TSPAN18: variants seen among roughly 807,000 people sequenced by gnomAD.
TSPAN18 encodes the protein tetraspanin 18.
Under a neutral mutation model 27.3 loss-of-function variants are expected in TSPAN18, and 14 were observed. The ratio of observed to expected loss-of-function variants is 0.51; its 90% CI spans 0.34 to 0.80. The LOEUF is 0.80. Among genes scored for constraint, TSPAN18 ranks in the 30% least tolerant of loss-of-function variants. The probability of loss-of-function intolerance (pLI) is 0.01; values close to 1 mark genes in which losing one functional copy is unlikely to be tolerated. For synonymous variants in TSPAN18, 143 were observed against 136.5 expected, an observed-to-expected ratio of 1.05 and a Z score of -0.33; for missense variants, 268 against 323.9, an observed-to-expected ratio of 0.83 and a Z score of 1.32.
chr11:44,843,058 C>T (rs571032027), intron 2 of TSPAN18, among the ~76,000 whole-genome samples: 157 of 152,268 alleles, frequency 1.0e-3, no homozygotes, highest in African/African-American at 3.6e-3. Context: ...TTCTTTAGCT[C>T]AACATGATTT....
At position 44,905,459 on chromosome 11, in the gene TSPAN18, C is replaced by T. The variant is rs115783921; in HGVS notation, c.-10-948C>T. Among the ~76,000 whole-genome samples, 776 of 152,324 alleles carry T rather than the reference C, an allele frequency of 5.1e-3. 5 individuals are homozygous for T. Among genetic ancestry groups the T allele is most frequent in the African/African-American group, 0.018 (745 of 41,560 alleles). ...GACATGTCGTTTTCATTCTGAGTCT[C>T]GGTTTCCCCACCTGTCTCATGGATC... On this transcript the variant is annotated intron_variant, in intron 3 of 9. Coordinates refer to ENST00000520358, the MANE Select transcript of TSPAN18 (RefSeq NM_130783.5).
chr11:44,921,091 C>T (rs573347075), intron 8 of TSPAN18, among the ~76,000 whole-genome samples: 2 of 152,308 alleles, frequency 1.3e-5, no homozygotes, highest in African/African-American at 4.8e-5. Context: ...CCTGGCACAT[C>T]CCCATGGATT....
intron 2 of TSPAN18, among the ~76,000 whole-genome samples, chr11:44,772,958 G>A (rs578037399): frequency 3.3e-5 from 5 of 152,102 alleles, no homozygotes; most frequent in East Asian, 1.9e-4. Flanking sequence ...CACTGAGCCC[G>A]ATTTTGAGTT....
At chr11:44,785,316 A>G (rs1179029368) in intron 2 of TSPAN18, among the ~76,000 whole-genome samples, 1 of 151,990 alleles carries the variant, frequency 6.6e-6, no homozygotes. Flanking sequence ...ATTTTTTTTA[A>G]TAGCTTTTTC....
intron 1 of TSPAN18, among the ~76,000 whole-genome samples, chr11:44,743,232 G>A (rs1854988416): frequency 6.6e-6 from 1 of 152,110 alleles, no homozygotes; most frequent in African/African-American, 2.4e-5. Context: ...ACTTGGTGAT[G>A]GCCTTAAGCC....
chr11:44,791,469 A>G (rs73450662), intron 2 of TSPAN18, among the ~76,000 whole-genome samples: 1,821 of 152,380 alleles, frequency 0.012, 38 homozygotes, highest in African/African-American at 0.042. Context: ...TGTGAAGGCT[A>G]GAAGCCTTGG....
intron 1 of TSPAN18, among the ~76,000 whole-genome samples, chr11:44,747,709 AG>A (rs772577062): frequency 2.0e-5 from 3 of 152,066 alleles, no homozygotes; most frequent in Admixed American, 1.3e-4. Flanking sequence ...TCTCTCTCTC[AG>A]CACTCAGATT....
intron 2 of TSPAN18, among the ~76,000 whole-genome samples, chr11:44,845,001 C>T (rs1450162513): frequency 1.3e-5 from 2 of 152,190 alleles, no homozygotes; most frequent in African/African-American, 4.8e-5. Context: ...GAATTATCCT[C>T]AATGCCAATA....
intron 2 of TSPAN18, among the ~76,000 whole-genome samples, chr11:44,801,180 T>C (rs1261600746): frequency 6.6e-6 from 1 of 152,198 alleles, no homozygotes; most frequent in African/African-American, 2.4e-5. Context: ...GCTGAGCAAT[T>C]GGTACATAGG....
At chr11:44,847,233 A>T (rs897532583) in intron 2 of TSPAN18, among the ~76,000 whole-genome samples, 1 of 152,166 alleles carries the variant, frequency 6.6e-6, no homozygotes, top group African/African-American at 2.4e-5. Context: ...AGCAGAGGCA[A>T]AGGCCTGGAG....
intron 2 of TSPAN18, among the ~76,000 whole-genome samples, chr11:44,833,253 T>C (rs927250753): frequency 6.6e-6 from 1 of 152,114 alleles, no homozygotes; most frequent in African/African-American, 2.4e-5. Flanking sequence ...CTTGGGCAAG[T>C]AGCTTAACCT....
chr11:44,858,489 C>A (rs915582213), intron 2 of TSPAN18, among the ~76,000 whole-genome samples: 1 of 152,218 alleles, frequency 6.6e-6, no homozygotes, highest in African/African-American at 2.4e-5. Context: ...TGAGGCCCCA[C>A]GCAGGTGAGG....
At chr11:44,887,622 G>C (rs1308283747) in intron 3 of TSPAN18, among the ~76,000 whole-genome samples, 1 of 152,118 alleles carries the variant, frequency 6.6e-6, no homozygotes, top group Non-Finnish European at 1.5e-5. Context: ...TCTCCCTGGG[G>C]CCCGCCTTTC....
Position 44,841,514 on chromosome 11 carries a change from T to TA in TSPAN18, c.-152-18801dup, listed in dbSNP as rs11353014. On this transcript the variant is annotated intron_variant, in intron 2 of 9. Coordinates refer to ENST00000520358, the MANE Select transcript of TSPAN18 (RefSeq NM_130783.5). ...CTGGGCAAGAGCACGAAATTCCATC[T>TA]AAAAAAAAAAAAAGACTGCATGTTG... 6.5e-3 allele frequency among the ~76,000 whole-genome samples: 955 copies of TA among 147,036 alleles called. 13 individuals are homozygous for TA. Among genetic ancestry groups the TA allele is most frequent in the African/African-American group, 0.022 (883 of 39,452 alleles).
At position 44,872,742 on chromosome 11, in the gene TSPAN18, A is replaced by G. The variant is rs145033929; in HGVS notation, c.-11+12273A>G. Among the ~76,000 whole-genome samples the G allele has an allele frequency of 3.9e-3, 595 of 152,372 alleles. 10 individuals are homozygous for G. The highest frequency in any genetic ancestry group is 0.013 in the African/African-American group (561 of 41,592). ...TTATTATACAAAAGGGAACTGAGGCACAGAGAGGTGAAGCAACTTGCCCAA... is the reference window on the plus strand; with the variant it reads ...TTATTATACAAAAGGGAACTGAGGCGCAGAGAGGTGAAGCAACTTGCCCAA... On this transcript the variant is annotated intron_variant, in intron 3 of 9. Transcript: ENST00000520358.
intron 1 of TSPAN18, among the ~76,000 whole-genome samples, chr11:44,752,228 T>A (rs1855227509): frequency 6.6e-6 from 1 of 152,204 alleles, no homozygotes. Flanking sequence ...CAGGCTAGTT[T>A]TAGCTGATGT....
intron 3 of TSPAN18, among the ~76,000 whole-genome samples, chr11:44,894,250 A>T (rs1030266883): frequency 6.6e-6 from 1 of 152,162 alleles, no homozygotes; most frequent in Non-Finnish European, 1.5e-5. Context: ...GCTCAGGCTT[A>T]TGGCTGGCAC....
chr11:44,804,017 G>T (rs1360533265), intron 2 of TSPAN18, among the ~76,000 whole-genome samples: 1 of 152,176 alleles, frequency 6.6e-6, no homozygotes, highest in Non-Finnish European at 1.5e-5. Flanking sequence ...GAGCCTGCCT[G>T]TGCTGTTTAT....
At chr11:44,761,298 G>A (rs530938343) in intron 1 of TSPAN18, among the ~76,000 whole-genome samples, 6 of 152,226 alleles carry the variant, frequency 3.9e-5, no homozygotes, top group Non-Finnish European at 7.4e-5. Context: ...CCCAGGACCC[G>A]TTCCTGCTCT....
Sources: gnomAD v4.1 joint callset for allele counts (sites outside exome capture counted in the v4.1 genomes callset) on GRCh38, gnomAD v4.1.1 for gene constraint, MANE v1.5 for transcripts, NCBI Gene and HGNC (gene_info 2026-07-23, HGNC 2026-07-21) for gene names.